The following MRPL32 variants were observed in gnomAD, a reference collection of about 807,000 sequenced individuals.
MRPL32 encodes large ribosomal subunit protein bL32m.
MRPL32 carries 14 observed loss-of-function variants against 21.7 expected under a neutral mutation model. That is an observed-to-expected ratio of 0.64 (90% CI 0.43 to 1.01). The LOEUF is 1.01. MRPL32 is among the 50% of genes least tolerant of loss of function. The probability of loss-of-function intolerance (pLI) is 0.00; values close to 1 mark genes in which losing one functional copy is unlikely to be tolerated. For synonymous variants in MRPL32, 83 were observed against 87.7 expected, an observed-to-expected ratio of 0.95 and a Z score of 0.30; for missense variants, 211 against 235.9, an observed-to-expected ratio of 0.89 and a Z score of 0.69.
At position 42,937,490 on chromosome 7, in the gene MRPL32, A is replaced by G. The variant is rs1786447668; in HGVS notation, c.481A>G (p.Thr161Ala). The change falls in exon 3 of 3, where the codon ACG becomes GCG. Residue 161 changes from threonine (T) to alanine (A), a missense_variant. By Grantham distance (58) the Thr-to-Ala change is moderately conservative. Coordinates refer to ENST00000223324, the MANE Select transcript of MRPL32 (RefSeq NM_031903.3). ...CACCATAGAGACTGTGGTGCTGTAC[A>G]CGGGAGAGACACCGTCTGAACAAGA... ...APTIETVVLY[T>A]GETPSEQDQG... 1 of 1,614,080 alleles carries G rather than the reference A, an allele frequency of 6.2e-7. No individual in the cohort carries two copies. The highest frequency in any genetic ancestry group is 8.5e-7 in the Non-Finnish European group (1 of 1,179,998).
intron 1 of MRPL32, among the ~76,000 whole-genome samples, chr7:42,934,365 A>G (rs1412824157): frequency 2.0e-5 from 3 of 152,192 alleles, no homozygotes; most frequent in Non-Finnish European, 2.9e-5. Flanking sequence ...AGAAACTTTG[A>G]TAGTCACATA....
chr7:42,937,705 G>T lies in MRPL32; in HGVS notation c.*129G>T, dbSNP rs1254228638. 3 of 1,021,578 alleles carry T rather than the reference G, an allele frequency of 2.9e-6. No homozygotes were observed. Among genetic ancestry groups the T allele is most frequent in the Non-Finnish European group, 4.1e-6 (3 of 737,590 alleles). 63.3% of individuals were successfully genotyped at this position (1,021,578 alleles called of 1,614,324 possible). On this transcript the variant is annotated 3_prime_UTR_variant, in exon 3 of 3. Coordinates refer to ENST00000223324, the MANE Select transcript of MRPL32 (RefSeq NM_031903.3). The stretch of plus-strand genomic sequence containing the variant: ...TAACACATTCTTTCTAAGCAGTTTT[G>T]TGTGGGATAATTTGAAGAATATATT...
rs906419573 is a variant in MRPL32 at position 42,935,399 on chromosome 7, A to C, written c.312+263A>C. On this transcript the variant is annotated intron_variant, in intron 2 of 2. Transcript: ENST00000223324. ...AGGAACGAGGCTGTGAGGTGCCTAC[A>C]TGACTTCTGAATTGTGAGCTGTGTC... 5 of 292,466 alleles carry C rather than the reference A, an allele frequency of 1.7e-5. 1 individual carries two copies. Among genetic ancestry groups the C allele is most frequent in the Middle Eastern group, 2.0e-3 (2 of 998 alleles). 18.1% of individuals were successfully genotyped at this position (292,466 alleles called of 1,614,324 possible).
At position 42,932,417 on chromosome 7, in the gene MRPL32, T is replaced by C; in HGVS notation, c.31T>C (p.Ser11Pro). 6.2e-7 allele frequency: 1 copy of C among 1,609,550 alleles called. No individual in the cohort carries two copies. Among genetic ancestry groups the C allele is most frequent in the South Asian group, 1.1e-5 (1 of 90,832 alleles). Residue 11 changes from serine (S) to proline (P), a missense_variant, in exon 1 of 3, where the codon TCG becomes CCG. Ser to Pro is a moderately conservative substitution (Grantham distance 74, BLOSUM62 -1). Transcript: ENST00000223324. ...GCTGGCCATGCTGGTCTTGGTGGTT[T>C]CGCCGTGGTCTGCGGCCCGGGGAGT... MALAMLVLVV[S>P]PWSAARGVLR...
Position 42,932,422 on chromosome 7 carries a change from G to T in MRPL32, c.36G>T (p.Pro12=). ...ALAMLVLVVS[P]WSAARGVLRN... ...CCATGCTGGTCTTGGTGGTTTCGCC[G>T]TGGTCTGCGGCCCGGGGAGTGCTTC... Residue 12 remains proline (P), a synonymous_variant, in exon 1 of 3, where the codon CCG becomes CCT. Transcript: ENST00000223324. 6.2e-7 allele frequency: 1 copy of T among 1,611,372 alleles called. No individual in the cohort carries two copies. The highest frequency in any genetic ancestry group is 1.3e-5 in the African/African-American group (1 of 74,744).
chr7:42,933,128 A>T (rs958055125), intron 1 of MRPL32, among the ~76,000 whole-genome samples: 2 of 152,106 alleles, frequency 1.3e-5, no homozygotes, highest in African/African-American at 4.8e-5. Context: ...GTTGCAAGGG[A>T]TACGTATTTA....
rs368568943 is a variant in MRPL32 at position 42,937,092 on chromosome 7, TA to T, written c.313-229del. The T allele has an allele frequency of 2.4e-4, 238 of 973,598 alleles. No individual in the cohort carries two copies. The East Asian group carries it at 5.2e-3, about 21-fold the overall frequency. 60.3% of individuals were successfully genotyped at this position (973,598 alleles called of 1,614,324 possible). A position where few individuals can be genotyped will look rare whatever the true frequency, so the allele number is the denominator to read the frequency against. ...TACAACTGCTGTGTTTAAGTAAAGA[TA>T]CCAGATTCAGGTTGGCTGAATTCTA... On this transcript the variant is annotated intron_variant, in intron 2 of 2. Transcript: ENST00000223324.
intron 1 of MRPL32, among the ~76,000 whole-genome samples, chr7:42,933,047 C>A (rs576676513): frequency 3.3e-5 from 5 of 152,094 alleles, no homozygotes; most frequent in African/African-American, 1.2e-4. Context: ...GAGACAAAGG[C>A]CCTATCCTTC....
chr7:42,934,161 G>A (rs1413437193), intron 1 of MRPL32, among the ~76,000 whole-genome samples: 1 of 151,694 alleles, frequency 6.6e-6, no homozygotes, highest in Non-Finnish European at 1.5e-5. Flanking sequence ...CCAGCTACTT[G>A]GGAGGCTGAG....
intron 1 of MRPL32, among the ~76,000 whole-genome samples, chr7:42,934,159 T>C (rs962800062): frequency 6.6e-6 from 1 of 151,606 alleles, no homozygotes; most frequent in African/African-American, 2.4e-5. Context: ...TCCCAGCTAC[T>C]TGGGAGGCTG....
In MRPL32 at chr7:42,935,056, A is replaced by G; in HGVS notation, c.232A>G (p.Met78Val). The change falls in exon 2 of 3, where the codon ATG becomes GTG. Residue 78 changes from methionine to valine, a missense_variant. Met to Val is a conservative substitution (Grantham distance 21). Around this residue, in one of 2 missense-constraint regions of MRPL32, gnomAD observed 130 missense variants for 180.1 expected, o/e 0.72. Coordinates refer to ENST00000223324, the MANE Select transcript of MRPL32 (RefSeq NM_031903.3). ...CAGCCTTTTGGACAGTATCTTTTGG[A>G]TGGCAGCTCCCAAAAATAGACGCAC... ...NSSLLDSIFW[M>V]AAPKNRRTIE... 1 of 1,614,080 alleles carries G rather than the reference A, an allele frequency of 6.2e-7. No homozygotes were observed. The highest frequency in any genetic ancestry group is 8.5e-7 in the Non-Finnish European group (1 of 1,179,996).
At chr7:42,935,657 T>C (rs1395364191) in intron 2 of MRPL32, 1 of 152,284 alleles carries the variant, frequency 6.6e-6, no homozygotes, top group Admixed American at 6.5e-5. Context: ...CAGTGCCTTA[T>C]GTTTATTATA....
chr7:42,936,027 C>G (rs2128676254), intron 2 of MRPL32: 1 of 152,308 alleles, frequency 6.6e-6, no homozygotes, highest in East Asian at 1.9e-4. Context: ...AACTCGAGAA[C>G]AGAAAGCTGA....
intron 1 of MRPL32, among the ~76,000 whole-genome samples, chr7:42,934,303 A>G (rs114015779): frequency 5.8e-4 from 88 of 152,230 alleles, no homozygotes; most frequent in African/African-American, 2.1e-3. Flanking sequence ...CGTCTAAGAA[A>G]TAGCAAGGAA....
In MRPL32 at chr7:42,934,395, A is replaced by G. The variant is rs540561478; in HGVS notation, c.131-560A>G. Among the ~76,000 whole-genome samples the G allele has an allele frequency of 6.8e-4, 103 of 152,282 alleles. 1 individual carries two copies. The South Asian group carries it at 0.021, about 32-fold the overall frequency. On this transcript the variant is annotated intron_variant, in intron 1 of 2. Coordinates refer to ENST00000223324, the MANE Select transcript of MRPL32 (RefSeq NM_031903.3). ...CACATAAATAAGGCCATACAGAGAAATGGTGAGCTGGCTCTTTTCTTTAGA... is the reference window on the plus strand; with the variant it reads ...CACATAAATAAGGCCATACAGAGAAGTGGTGAGCTGGCTCTTTTCTTTAGA...
chr7:42,936,472 C>T (rs1051214523), intron 2 of MRPL32: 3 of 152,078 alleles, frequency 2.0e-5, no homozygotes, highest in Non-Finnish European at 2.9e-5. Context: ...CCTCTTTCTT[C>T]CTTTCAGAAA....
rs1786451034 is a variant in MRPL32 at position 42,937,643 on chromosome 7, ATGT to A, written c.*74_*76del. On this transcript the variant is annotated 3_prime_UTR_variant, in exon 3 of 3. Transcript: ENST00000223324. ...CTCCTGAAATAGAGGAAGATTCTTT[ATGT>A]TGTTGTGCTTGTTTTTAAATCATCA... 4.1e-6 allele frequency: 6 copies of A among 1,475,212 alleles called. No homozygotes were observed. Among genetic ancestry groups the A allele is most frequent in the African/African-American group, 2.8e-5 (2 of 70,918 alleles). The allele number at this position is 1,475,212 out of a possible 1,614,324, so 91.4% of individuals were successfully genotyped here.
chr7:42,933,280 C>G (rs1786362912), intron 1 of MRPL32, among the ~76,000 whole-genome samples: 1 of 152,020 alleles, frequency 6.6e-6, no homozygotes, highest in African/African-American at 2.4e-5. Context: ...CCGAGGTCAT[C>G]CTAGGATACA....
intron 1 of MRPL32, among the ~76,000 whole-genome samples, chr7:42,933,536 A>G (rs982823394): frequency 7.0e-5 from 10 of 143,688 alleles, no homozygotes; most frequent in African/African-American, 2.6e-4. Flanking sequence ...CCCGCGCAGT[A>G]CATGTTTTCT....
Sources: allele counts gnomAD v4.1 joint callset (sites outside exome capture counted in the v4.1 genomes callset), GRCh38; gene constraint gnomAD v4.1.1; regional missense constraint gnomAD v4.1.1; transcripts MANE v1.5; gene names NCBI Gene and HGNC (gene_info 2026-07-23, HGNC 2026-07-21).